Variants in B4GALT1 observed in about 807,000 individuals in gnomAD.
B4GALT1 encodes the protein N-acetyllactosamine synthase.
A neutral mutation model predicts 34.9 loss-of-function variants in B4GALT1; 16 were observed. The observed-to-expected ratio is 0.46, with a 90% CI of 0.31 to 0.70. The LOEUF (loss-of-function observed/expected upper bound fraction) is 0.70. Among genes scored for constraint, B4GALT1 ranks in the 30% least tolerant of loss-of-function variants. B4GALT1 has a pLI of 0.05. For synonymous variants in B4GALT1, 221 were observed against 218.1 expected (o/e 1.01, Z -0.12); for missense variants, 445 against 530.5 (o/e 0.84, Z 1.58).
In B4GALT1 at chr9:33,113,743, G is replaced by C. The variant is rs766562764; in HGVS notation, c.1064+31C>G. ...CCTGCAGCCTACCTCATCCTAAAGG[G>C]GGAAGGAGTATGAATAAACAAAGAA... On this transcript the variant is annotated intron_variant, in intron 5 of 5. Transcript: ENST00000379731. 2.5e-6 allele frequency: 4 copies of C among 1,612,552 alleles called. No individual in the cohort carries two copies. The Admixed American group carries it at 5.0e-5, about 20-fold the overall frequency.
downstream of B4GALT1, chr9:33,108,547 G>C (rs1839819414): frequency 6.6e-6 from 1 of 152,128 alleles, no homozygotes; most frequent in Admixed American, 6.6e-5. Flanking sequence ...GGCAGTGGCA[G>C]GATTTGAATC....
At chr9:33,105,282 G>A (rs898974828) in intron 2 of B4GALT1, among the ~76,000 whole-genome samples, 2 of 152,066 alleles carry the variant, frequency 1.3e-5, no homozygotes, top group Admixed American at 6.6e-5. Context: ...TGGGATTACA[G>A]GCATGCACCA....
At position 33,167,051 on chromosome 9, in the gene B4GALT1, T is replaced by A; in HGVS notation, c.119A>T (p.Tyr40Phe). Reference protein sequence around the residue: ...CALHLGVTLVYYLAGRDLSRL... With the variant: ...CALHLGVTLVFYLAGRDLSRL... ...GCTCAGGTCGCGGCCAGCCAGGTAGTAAACGAGGGTGACGCCAAGGTGCAG... is the reference window on the plus strand; with the variant it reads ...GCTCAGGTCGCGGCCAGCCAGGTAGAAAACGAGGGTGACGCCAAGGTGCAG... The change falls in exon 1 of 6, where the codon TAC (tyrosine) becomes TTC (phenylalanine). Residue 40 changes from tyrosine to phenylalanine, a missense_variant. Physicochemically the swap from Tyr to Phe is conservative, Grantham distance 22. Coordinates refer to ENST00000379731, the MANE Select transcript of B4GALT1 (RefSeq NM_001497.4). 2 of 1,601,768 alleles carry A rather than the reference T, an allele frequency of 1.2e-6. No homozygotes were observed. Among genetic ancestry groups the A allele is most frequent in the Middle Eastern group, 3.3e-4 (2 of 6,058 alleles).
At chr9:33,106,213 T>C (rs944517825), downstream of B4GALT1, among the ~76,000 whole-genome samples, 3 of 152,204 alleles carry the variant, frequency 2.0e-5, no homozygotes, top group African/African-American at 2.4e-5. Flanking sequence ...ACCATCCAAA[T>C]TGGTGTATCT....
At chr9:33,124,497 C>A (rs1335265776) in intron 2 of B4GALT1, among the ~76,000 whole-genome samples, 1 of 152,180 alleles carries the variant, frequency 6.6e-6, no homozygotes, top group Non-Finnish European at 1.5e-5. Context: ...ACATTGTCTA[C>A]CAACATAAGA....
At chr9:33,154,988 T>TCCTG (rs1840576199) in intron 1 of B4GALT1, among the ~76,000 whole-genome samples, 1 of 152,146 alleles carries the variant, frequency 6.6e-6, no homozygotes, top group South Asian at 2.1e-4. Context: ...GTAAGACCAA[T>TCCTG]CCTGGCTCTT....
chr9:33,174,092 A>C, the B4GALT1 span: 2 of 152,272 alleles, frequency 1.3e-5, no homozygotes, highest in Admixed American at 1.3e-4. Flanking sequence ...CATTCTAGAA[A>C]ATAACCATCC....
intron 2 of B4GALT1, among the ~76,000 whole-genome samples, chr9:33,133,444 TC>T (rs1840222587): frequency 1.3e-5 from 2 of 152,310 alleles, no homozygotes; most frequent in East Asian, 3.9e-4. Flanking sequence ...TTCCAGGTGC[TC>T]GCTGCCACTG....
the B4GALT1 span, among the ~76,000 whole-genome samples, chr9:33,183,143 G>A: frequency 2.6e-5 from 4 of 152,226 alleles, no homozygotes; most frequent in African/African-American, 7.2e-5. Context: ...GTAGTGTGAC[G>A]AAATCTTGCC....
the B4GALT1 span, among the ~76,000 whole-genome samples, chr9:33,184,473 G>A: frequency 6.6e-6 from 1 of 152,180 alleles, no homozygotes; most frequent in Non-Finnish European, 1.5e-5. Flanking sequence ...GCAAGACAAA[G>A]CAAGTTACTT....
At chr9:33,154,871 T>A (rs1254337240) in intron 1 of B4GALT1, among the ~76,000 whole-genome samples, 1 of 151,960 alleles carries the variant, frequency 6.6e-6, no homozygotes. Context: ...CTATAATTAG[T>A]GTATTTTATA....
At position 33,112,156 on chromosome 9, in the gene B4GALT1, G is replaced by C. The variant is rs1178287439; in HGVS notation, c.*1298C>G. 1.3e-5 allele frequency: 2 copies of C among 152,596 alleles called. No homozygotes were observed. Among genetic ancestry groups the C allele is most frequent in the Non-Finnish European group, 2.9e-5 (2 of 68,146 alleles). 9.5% of individuals were successfully genotyped at this position (152,596 alleles called of 1,614,324 possible). ...CTGGTAACAAAGGGTGGGCCACGGA[G>C]TGTGGCTAGCAGAGCCTCTGAGGGA... is the stretch of plus-strand genomic sequence containing the variant. On this transcript the variant is annotated 3_prime_UTR_variant, in exon 6 of 6. Coordinates refer to ENST00000379731, the MANE Select transcript of B4GALT1 (RefSeq NM_001497.4).
chr9:33,116,072 CTTAG>C lies in B4GALT1; in HGVS notation c.874_877del (p.Leu292ValfsTer6). 1 of 1,613,532 alleles carries C rather than the reference CTTAG, an allele frequency of 6.2e-7. No individual in the cohort carries two copies. On this transcript the variant is annotated frameshift_variant, in exon 4 of 6. Transcript: ENST00000379731. LOFTEE classifies it high-confidence loss of function. ...ATTGATGGTTAGAAACTGTTGTTTA[CTTAG>C]AGCAGAGACACCTCCAAAATACTGA...
downstream of B4GALT1, among the ~76,000 whole-genome samples, chr9:33,109,905 TTTTG>T (rs1466449834): frequency 1.3e-5 from 2 of 152,216 alleles, no homozygotes; most frequent in Non-Finnish European, 2.9e-5. Context: ...ACAGGTTTTT[TTTTG>T]TTTGTTTTTA....
intron 1 of B4GALT1, among the ~76,000 whole-genome samples, chr9:33,160,693 G>C (rs1002427343): frequency 2.0e-5 from 3 of 152,144 alleles, no homozygotes; most frequent in Non-Finnish European, 2.9e-5. Context: ...CTTAGCCCGA[G>C]AGGTCGAGGC....
intron 5 of B4GALT1, 47 bp from the exon 6 acceptor site, chr9:33,113,633 A>G (rs1322285255): frequency 6.2e-7 from 1 of 1,613,602 alleles, no homozygotes; most frequent in Admixed American, 1.7e-5. Flanking sequence ...CAAAAATCTT[A>G]AGAAGAAATC....
At chr9:33,144,189 T>C (rs1052482494) in intron 1 of B4GALT1, among the ~76,000 whole-genome samples, 1 of 151,984 alleles carries the variant, frequency 6.6e-6, no homozygotes, top group Non-Finnish European at 1.5e-5. Flanking sequence ...TGACTAAATA[T>C]CTACCTTTTC....
At chr9:33,120,374 T>C in intron 3 of B4GALT1, 45 bp downstream of exon 3, 2 of 1,601,982 alleles carry the variant, frequency 1.2e-6, no homozygotes, top group Non-Finnish European at 1.7e-6. Context: ...AGTCAACACA[T>C]GAGAGAGACA....
intron 1 of B4GALT1, among the ~76,000 whole-genome samples, chr9:33,166,163 A>G (rs1840748920): frequency 6.6e-6 from 1 of 152,226 alleles, no homozygotes; most frequent in Non-Finnish European, 1.5e-5. Context: ...TTAAGCCCTT[A>G]TTTACCATTG....
Sources: allele counts gnomAD v4.1 joint callset (sites outside exome capture counted in the v4.1 genomes callset), GRCh38; gene constraint gnomAD v4.1.1; transcripts MANE v1.5; gene names NCBI Gene and HGNC (gene_info 2026-07-23, HGNC 2026-07-21).